GNB1: variants seen among roughly 807,000 people sequenced by gnomAD.
GNB1 encodes the protein guanine nucleotide-binding protein G(I)/G(S)/G(T) subunit beta-1.
Under a neutral mutation model 42.9 loss-of-function variants are expected in GNB1, and 2 were observed. The observed-to-expected ratio is 0.05, with a 90% CI of 0.02 to 0.15. The LOEUF (loss-of-function observed/expected upper bound fraction) is 0.15. GNB1 is among the 10% of genes least tolerant of loss of function. GNB1 has a pLI of 1.00. For missense variants in GNB1, 193 were observed against 462.2 expected, an observed-to-expected ratio of 0.42 and a Z score of 5.34; for synonymous variants, 183 against 174.7, an observed-to-expected ratio of 1.05 and a Z score of -0.38.
intron 1 of GNB1, among the ~76,000 whole-genome samples, chr1:1,882,989 G>A (rs1464388406): frequency 2.0e-5 from 3 of 151,556 alleles, no homozygotes; most frequent in Non-Finnish European, 2.9e-5. Context: ...ATTCTACAAA[G>A]GTAAAGGAAA....
chr1:1,840,168 T>C (rs905444164), intron 1 of GNB1, among the ~76,000 whole-genome samples: 2 of 149,242 alleles, frequency 1.3e-5, no homozygotes, highest in African/African-American at 2.5e-5. Context: ...GTGGAGGTTG[T>C]AGTGAGTGGA....
At chr1:1,874,802 G>A (rs1649450271) in intron 1 of GNB1, among the ~76,000 whole-genome samples, 1 of 150,718 alleles carries the variant, frequency 6.6e-6, no homozygotes, top group South Asian at 2.1e-4. Flanking sequence ...AAAAAAAAAA[G>A]ACAAAAAAAA....
chr1:1,847,881 G>A (rs1023133076), intron 1 of GNB1, among the ~76,000 whole-genome samples: 1 of 152,182 alleles, frequency 6.6e-6, no homozygotes, highest in Non-Finnish European at 1.5e-5. Context: ...AACACACCTT[G>A]ACAGATGTCA....
At chr1:1,851,657 G>A (rs925647731) in intron 1 of GNB1, among the ~76,000 whole-genome samples, 5 of 152,176 alleles carry the variant, frequency 3.3e-5, no homozygotes, top group African/African-American at 1.2e-4. Flanking sequence ...AGAAAAGCAA[G>A]CCATACAACT....
At chr1:1,882,617 T>A (rs1396584856) in intron 1 of GNB1, among the ~76,000 whole-genome samples, 1 of 150,956 alleles carries the variant, frequency 6.6e-6, no homozygotes. Context: ...GGAGGAGAAT[T>A]CTCTAAAAAA....
intron 2 of GNB1, among the ~76,000 whole-genome samples, chr1:1,831,132 T>C (rs567129417): frequency 6.6e-6 from 1 of 152,220 alleles, no homozygotes; most frequent in South Asian, 2.1e-4. Flanking sequence ...GCCACTGCAC[T>C]CCAGCCTGGG....
chr1:1,859,150 T>C (rs1648467758), intron 1 of GNB1, among the ~76,000 whole-genome samples: 1 of 151,954 alleles, frequency 6.6e-6, no homozygotes, highest in South Asian at 2.1e-4. Flanking sequence ...GCCTCCCAAG[T>C]AGCCAGGATT....
intron 2 of GNB1, among the ~76,000 whole-genome samples, chr1:1,838,599 C>T (rs1309051925): frequency 6.6e-6 from 1 of 151,942 alleles, no homozygotes; most frequent in African/African-American, 2.4e-5. Context: ...CGCCCACCAC[C>T]GCACCCGGCT....
At chr1:1,818,979 T>TG (rs1269085499) in intron 3 of GNB1, among the ~76,000 whole-genome samples, 1 of 152,186 alleles carries the variant, frequency 6.6e-6, no homozygotes, top group Non-Finnish European at 1.5e-5. Flanking sequence ...ATGAGCCTCT[T>TG]GGCTGTTCTC....
intron 1 of GNB1, among the ~76,000 whole-genome samples, chr1:1,882,912 C>G: frequency 6.7e-6 from 1 of 150,254 alleles, no homozygotes; most frequent in East Asian, 1.9e-4. Flanking sequence ...CAGGGCAAGA[C>G]TCCGTCTCAA....
chr1:1,846,562 A>C (rs1307128118), intron 1 of GNB1, among the ~76,000 whole-genome samples: 1 of 151,900 alleles, frequency 6.6e-6, no homozygotes, highest in African/African-American at 2.4e-5. Context: ...GTGAGACTCC[A>C]TCTCAAAATC....
At chr1:1,870,073 C>G (rs954807300) in intron 1 of GNB1, among the ~76,000 whole-genome samples, 1 of 152,168 alleles carries the variant, frequency 6.6e-6, no homozygotes, top group African/African-American at 2.4e-5. Flanking sequence ...ATTGGCCAGG[C>G]TGGTCTCGAT....
intron 1 of GNB1, among the ~76,000 whole-genome samples, chr1:1,860,098 T>A (rs973127463): frequency 1.3e-5 from 2 of 151,936 alleles, no homozygotes; most frequent in Non-Finnish European, 2.9e-5. Flanking sequence ...ATAGCAACCA[T>A]AAAAAGGAAT....
intron 2 of GNB1, among the ~76,000 whole-genome samples, chr1:1,836,652 G>A (rs189829044): frequency 1.4e-4 from 22 of 152,158 alleles, no homozygotes; most frequent in Admixed American, 1.2e-3. Context: ...CCAGGTTCAA[G>A]TGATTCTTGT....
At chr1:1,839,744 C>T (rs566416978) in intron 1 of GNB1, 1 of 151,978 alleles carries the variant, frequency 6.6e-6, no homozygotes, top group East Asian at 1.9e-4. Context: ...ATCCCGGTTA[C>T]TCAGGAGGCT....
intron 1 of GNB1, among the ~76,000 whole-genome samples, chr1:1,860,194 A>G (rs1648543085): frequency 6.6e-6 from 1 of 152,194 alleles, no homozygotes; most frequent in Non-Finnish European, 1.5e-5. Context: ...ACTGAATACC[A>G]CATGTTCTCA....
At chr1:1,868,275 G>A (rs1231125251) in intron 1 of GNB1, among the ~76,000 whole-genome samples, 6 of 151,892 alleles carry the variant, frequency 4.0e-5, no homozygotes, top group Non-Finnish European at 7.4e-5. Flanking sequence ...TCCCGGGTTC[G>A]AGCAATTCTC....
intron 2 of GNB1, among the ~76,000 whole-genome samples, chr1:1,835,960 C>T (rs1373620510): frequency 3.5e-5 from 5 of 140,998 alleles, no homozygotes; most frequent in African/African-American, 7.8e-5. Flanking sequence ...CATGGTAGTG[C>T]GTGCCTATAG....
At chr1:1,830,495 C>T (rs1342510058) in intron 2 of GNB1, among the ~76,000 whole-genome samples, 1 of 151,810 alleles carries the variant, frequency 6.6e-6, no homozygotes, top group Non-Finnish European at 1.5e-5. Flanking sequence ...GTGATCCGCC[C>T]GCCTCAGCCT....
Sources: gnomAD v4.1 joint callset for allele counts (sites outside exome capture counted in the v4.1 genomes callset) on GRCh38, gnomAD v4.1.1 for gene constraint, MANE v1.5 for transcripts, NCBI Gene and HGNC (gene_info 2026-07-23, HGNC 2026-07-21) for gene names.